GALNT14: variants seen among roughly 807,000 people sequenced by gnomAD.
GALNT14 encodes the protein polypeptide N-acetylgalactosaminyltransferase 14.
A neutral mutation model predicts 77.5 loss-of-function variants in GALNT14; 60 were observed. The observed-to-expected ratio is 0.77, with a 90% confidence interval of 0.63 to 0.96. The LOEUF (loss-of-function observed/expected upper bound fraction) is 0.96. GALNT14 is among the 40% of genes least tolerant of loss of function. The pLI is 0.00. For missense variants in GALNT14, 710 were observed against 731.0 expected (o/e 0.97, Z 0.33); for synonymous variants, 280 against 281.7 (o/e 0.99, Z 0.06).
At chr2:31,014,133 C>T (rs1671201543) in intron 1 of GALNT14, among the ~76,000 whole-genome samples, 1 of 151,762 alleles carries the variant, frequency 6.6e-6, no homozygotes, top group Non-Finnish European at 1.5e-5. Flanking sequence ...GAGAATAATG[C>T]CTATTTCACA....
chr2:30,998,389 G>A (rs1296822412), intron 1 of GALNT14, among the ~76,000 whole-genome samples: 45 of 152,066 alleles, frequency 3.0e-4, no homozygotes, highest in Non-Finnish European at 1.5e-5. Context: ...TAAAGCTGTT[G>A]TACATTCCCA....
chr2:31,045,979 A>T (rs1673428410), intron 1 of GALNT14, among the ~76,000 whole-genome samples: 1 of 152,162 alleles, frequency 6.6e-6, no homozygotes, highest in Non-Finnish European at 1.5e-5. Flanking sequence ...TTTGTGGAAT[A>T]AAGTAGAGAA....
intron 1 of GALNT14, among the ~76,000 whole-genome samples, chr2:31,067,413 C>G (rs2148555369): frequency 6.6e-6 from 1 of 152,302 alleles, no homozygotes; most frequent in Middle Eastern, 3.4e-3. Context: ...ACAGGGGTCA[C>G]CGAGAGACTC....
chr2:30,941,272 C>T (rs893829338), intron 9 of GALNT14, among the ~76,000 whole-genome samples: 2 of 152,146 alleles, frequency 1.3e-5, no homozygotes, highest in Non-Finnish European at 2.9e-5. Context: ...CAGAGGGCCT[C>T]CTACCTGGCA....
intron 1 of GALNT14, among the ~76,000 whole-genome samples, chr2:31,078,740 A>G (rs1364997300): frequency 1.3e-5 from 2 of 152,160 alleles, no homozygotes; most frequent in African/African-American, 4.8e-5. Context: ...CAGAAGCTAG[A>G]TTGCATGGTG....
chr2:30,916,461 T>A (rs554432577), intron 13 of GALNT14, among the ~76,000 whole-genome samples: 1 of 152,310 alleles, frequency 6.6e-6, no homozygotes, highest in South Asian at 2.1e-4. Flanking sequence ...CCAGAGACTG[T>A]CCTTAGTTGG....
chr2:30,889,803 T>C, the GALNT14 span, among the ~76,000 whole-genome samples: 1 of 152,230 alleles, frequency 6.6e-6, no homozygotes, highest in African/African-American at 2.4e-5. Context: ...TGGCAAATAC[T>C]GTGGAGTCTG....
At chr2:31,045,920 A>G (rs1673423845) in intron 1 of GALNT14, among the ~76,000 whole-genome samples, 1 of 152,130 alleles carries the variant, frequency 6.6e-6, no homozygotes, top group African/African-American at 2.4e-5. Flanking sequence ...TGTATCTCTT[A>G]TTCTATACTA....
At chr2:30,910,106 T>A (rs919510241), downstream of GALNT14, among the ~76,000 whole-genome samples, 117 of 150,710 alleles carry the variant, frequency 7.8e-4, 2 homozygotes, top group African/African-American at 2.5e-3. Flanking sequence ...ATATACCTAA[T>A]GCTAGATGAC....
rs561860506 is a variant in GALNT14 at position 31,003,808 on chromosome 2, A to C, written c.130-10801T>G. ...GTTTTTGTTTCTGGAATAGAAAAAG[A>C]AACTCACATATTTGGACCTTCTATG... On this transcript the variant is annotated intron_variant, in intron 1 of 14. Coordinates refer to ENST00000349752, the MANE Select transcript of GALNT14 (RefSeq NM_024572.4). Among the ~76,000 whole-genome samples, 9 of 152,382 alleles carry C rather than the reference A, an allele frequency of 5.9e-5. No homozygotes were observed. In the South Asian group the frequency reaches 1.4e-3, roughly 25 times the overall value.
intron 1 of GALNT14, among the ~76,000 whole-genome samples, chr2:31,033,651 C>T (rs1366911169): frequency 6.6e-6 from 1 of 152,120 alleles, no homozygotes; most frequent in African/African-American, 2.4e-5. Context: ...TTGGCTCCTT[C>T]CCTCCCTGGC....
intron 2 of GALNT14, among the ~76,000 whole-genome samples, chr2:30,986,292 G>C (rs1286987459): frequency 1.3e-5 from 2 of 152,188 alleles, no homozygotes; most frequent in Non-Finnish European, 2.9e-5. Context: ...TGGCTCACGA[G>C]CTCAGTCCAC....
chr2:31,099,093 T>C (rs566353501), intron 1 of GALNT14, among the ~76,000 whole-genome samples: 1 of 152,254 alleles, frequency 6.6e-6, no homozygotes, highest in African/African-American at 2.4e-5. Context: ...ACTTTTTATA[T>C]ATAAGTTAGT....
At chr2:30,898,328 C>G in the GALNT14 span, among the ~76,000 whole-genome samples, 5 of 152,160 alleles carry the variant, frequency 3.3e-5, no homozygotes, top group Non-Finnish European at 5.9e-5. Flanking sequence ...CAGACTCAGA[C>G]AAGGGGTCAT....
At chr2:31,069,106 A>G (rs1263439869) in intron 1 of GALNT14, among the ~76,000 whole-genome samples, 2 of 152,244 alleles carry the variant, frequency 1.3e-5, no homozygotes, top group Non-Finnish European at 2.9e-5. Context: ...AGAATACACT[A>G]AAACCATTGA....
At chr2:31,086,764 C>T (rs867297268) in intron 1 of GALNT14, among the ~76,000 whole-genome samples, 7 of 152,106 alleles carry the variant, frequency 4.6e-5, no homozygotes, top group South Asian at 2.1e-4. Context: ...TGGTGCACTA[C>T]GGACTCTTGG....
chr2:30,949,814 C>T (rs1422191893), intron 6 of GALNT14, among the ~76,000 whole-genome samples: 1 of 152,074 alleles, frequency 6.6e-6, no homozygotes, highest in Non-Finnish European at 1.5e-5. Context: ...CTAGAGAAGG[C>T]GAGGACAGGT....
chr2:30,914,873 A>T (rs1664583060), intron 13 of GALNT14, among the ~76,000 whole-genome samples: 1 of 152,130 alleles, frequency 6.6e-6, no homozygotes, highest in Admixed American at 6.5e-5. Flanking sequence ...GTGGGCCTAG[A>T]ATATTCCTTG....
rs1289534504 is a variant in GALNT14, at chr2:30,929,444, G to T, written c.1102C>A (p.Gln368Lys). Residue 368 changes from glutamine to lysine, a missense_variant, in exon 11 of 15, where the codon CAA (glutamine) becomes AAA (lysine). By Grantham distance (53) the Gln-to-Lys change is moderately conservative. Coordinates refer to ENST00000349752, the MANE Select transcript of GALNT14 (RefSeq NM_024572.4). Reference protein sequence around the residue: ...TAEVWMDEYKQYYYAARPFAL... With the variant: ...TAEVWMDEYKKYYYAARPFAL... ...AATGGCCGGGCAGCGTAATAGTATTGCTTGTATTCATCCATCCACACTTCA... is the reference window on the plus strand; with the variant it reads ...AATGGCCGGGCAGCGTAATAGTATTTCTTGTATTCATCCATCCACACTTCA... The T allele has an allele frequency of 6.2e-7, 1 of 1,614,190 alleles. No homozygotes were observed.
Sources: allele counts gnomAD v4.1 joint callset (sites outside exome capture counted in the v4.1 genomes callset), GRCh38; gene constraint gnomAD v4.1.1; transcripts MANE v1.5; gene names NCBI Gene and HGNC (gene_info 2026-07-23, HGNC 2026-07-21).